The following CEP72 variants were observed in gnomAD, a reference collection of about 807,000 sequenced individuals.
CEP72 encodes the protein centrosomal protein of 72 kDa.
CEP72 carries 78 observed loss-of-function variants against 65.7 expected under a neutral mutation model. The observed-to-expected ratio is 1.19, with a 90% confidence interval of 0.99 to 1.43. The LOEUF (loss-of-function observed/expected upper bound fraction) is 1.43, where lower values mean the gene tolerates loss of function less well. CEP72 is among the 40% of genes most tolerant of loss of function. CEP72 has a pLI of 0.00. For missense variants in CEP72, 914 were observed against 832.9 expected (o/e 1.10, Z -1.20); for synonymous variants, 358 against 351.7 (o/e 1.02, Z -0.20).
At chr5:649,362 G>A (rs1455697799) in intron 11 of CEP72, among the ~76,000 whole-genome samples, 8 of 73,064 alleles carry the variant, frequency 1.1e-4, no homozygotes, top group African/African-American at 3.6e-4. Context: ...GGCGTGGACT[G>A]TGAGGTGTGA....
chr5:660,091 G>A (rs1430135090), downstream of CEP72: 1 of 152,260 alleles, frequency 6.6e-6, no homozygotes, highest in Admixed American at 6.5e-5. Flanking sequence ...GACATCAGCA[G>A]AAGTGGCTTT....
chr5:623,054 G>A lies in CEP72; in HGVS notation c.404-1417G>A, dbSNP rs1561030242. On this transcript the variant is annotated intron_variant, in intron 3 of 11. Coordinates refer to ENST00000264935, the MANE Select transcript of CEP72 (RefSeq NM_018140.4). The surrounding 1 kb of genome is among the most constrained non-coding windows in gnomAD (Gnocchi z 5.3). ...CTTAGTGTTTCTGTAGAGAAGGAGCGCGGCCGTCTCCCTCTTAGTGTTTCT... is the reference window on the plus strand; with the variant it reads ...CTTAGTGTTTCTGTAGAGAAGGAGCACGGCCGTCTCCCTCTTAGTGTTTCT... Among the ~76,000 whole-genome samples, 2 of 151,044 alleles carry A rather than the reference G, an allele frequency of 1.3e-5. No homozygotes were observed. Among genetic ancestry groups the A allele is most frequent in the East Asian group, 1.9e-4 (1 of 5,130 alleles).
rs1286586045 is a variant in CEP72, at chr5:624,478, C to A, written c.411C>A (p.Arg137=). The change falls in exon 4 of 12, where the codon CGC becomes CGA. Residue 137 remains arginine (R), a synonymous_variant. Coordinates refer to ENST00000264935, the MANE Select transcript of CEP72 (RefSeq NM_018140.4). The surrounding 1 kb of genome is among the most constrained non-coding windows in gnomAD (Gnocchi z 4.7). ...TGTGGCCTTTTCTTCTAGACGATCGCCCCGTGAGAGCAAGCGAGCGGAAGG... is the reference window on the plus strand; with the variant it reads ...TGTGGCCTTTTCTTCTAGACGATCGACCCGTGAGAGCAAGCGAGCGGAAGG... ...LLPKLQQLDD[R]PVRASERKAS... 1.9e-6 allele frequency: 3 copies of A among 1,613,686 alleles called. No homozygotes were observed. Among genetic ancestry groups the A allele is most frequent in the African/African-American group, 1.3e-5 (1 of 74,918 alleles).
intron 2 of CEP72, 59 bp from the exon 3 acceptor site, chr5:620,010 T>C: frequency 7.0e-7 from 1 of 1,438,478 alleles, no homozygotes; most frequent in Non-Finnish European, 9.7e-7. Context: ...TGCTGGCTTA[T>C]TTCACTGTGT....
chr5:647,778 G>GT (rs1330197518), intron 10 of CEP72, 27 bp from the exon 11 acceptor site: 1 of 1,474,632 alleles, frequency 6.8e-7, no homozygotes, highest in Non-Finnish European at 9.4e-7. Context: ...CTCATTAATG[G>GT]TACTTTTTTT....
At chr5:672,493 C>T in the CEP72 span, among the ~76,000 whole-genome samples, 2 of 152,264 alleles carry the variant, frequency 1.3e-5, no homozygotes, top group Admixed American at 1.3e-4. Context: ...GCCCAGCCCT[C>T]CTTCCTCTGC....
Position 623,287 on chromosome 5 carries a change from G to T in CEP72, c.404-1184G>T, listed in dbSNP as rs767031782. On this transcript the variant is annotated intron_variant, in intron 3 of 11. Coordinates refer to ENST00000264935, the MANE Select transcript of CEP72 (RefSeq NM_018140.4). The surrounding 1 kb of genome is among the most constrained non-coding windows in gnomAD (Gnocchi z 5.3). ...TGGCGCTGGCAGTCAGAGGCGCTGC[G>T]GGAACCACGGAGGTGCGGGGCCCCG... Among the ~76,000 whole-genome samples, 1 of 152,254 alleles carries T rather than the reference G, an allele frequency of 6.6e-6. No individual in the cohort carries two copies. The highest frequency in any genetic ancestry group is 1.9e-4 in the East Asian group (1 of 5,206).
At chr5:622,582 G>C (rs1318953575) in intron 3 of CEP72, among the ~76,000 whole-genome samples, 1 of 152,264 alleles carries the variant, frequency 6.6e-6, no homozygotes, top group Non-Finnish European at 1.5e-5. Flanking sequence ...CCCTGCGGCT[G>C]GGCTTCCAGA....
rs180798918 is a variant in CEP72, at chr5:624,251, G to A, written c.404-220G>A. On this transcript the variant is annotated intron_variant, in intron 3 of 11. Coordinates refer to ENST00000264935, the MANE Select transcript of CEP72 (RefSeq NM_018140.4). This position sits in a 1 kb window ranked among gnomAD's most constrained non-coding sequence, Gnocchi z 4.7. The stretch of plus-strand genomic sequence containing the variant: ...GCCTCATCTGTGTGCGGCTGCTCCC[G>A]TGCGCAGCAGTGAGCTCTGAGGGAC... 5.9e-5 allele frequency among the ~76,000 whole-genome samples: 9 copies of A among 152,300 alleles called. No individual in the cohort carries two copies. In the East Asian group the frequency reaches 1.4e-3, roughly 23 times the overall value.
At chr5:649,826 C>G (rs1328139895) in intron 11 of CEP72, among the ~76,000 whole-genome samples, 1 of 66,846 alleles carries the variant, frequency 1.5e-5, no homozygotes, top group African/African-American at 5.0e-5. Flanking sequence ...GAGGTGTGGA[C>G]TGTGAGGCGT....
exon 4 of CEP72, chr5:665,945 CG>C: frequency 6.6e-7 from 1 of 1,507,646 alleles, no homozygotes; most frequent in South Asian, 1.2e-5. Flanking sequence ...CTCCAGGCCC[CG>C]CCTTCCATCC....
chr5:643,696 G>A (rs1302800480), intron 9 of CEP72: 7 of 980,756 alleles, frequency 7.1e-6, no homozygotes, highest in Non-Finnish European at 8.5e-6. Flanking sequence ...GGGGACCCTG[G>A]CCGCAGGTGC....
chr5:655,942 C>G (rs1262612266), downstream of CEP72, among the ~76,000 whole-genome samples: 1 of 152,104 alleles, frequency 6.6e-6, no homozygotes, highest in Non-Finnish European at 1.5e-5. The surrounding 1 kb of genome is among the most constrained non-coding windows in gnomAD (Gnocchi z 5.0). Context: ...TCAATATTTT[C>G]TTTTATGATT....
chr5:636,601 A>G (rs190487003), intron 6 of CEP72, among the ~76,000 whole-genome samples: 1 of 152,174 alleles, frequency 6.6e-6, no homozygotes. Context: ...ATTTGAGGTC[A>G]GGAGTTTAAG....
chr5:617,901 C>T (rs764098236), intron 1 of CEP72, among the ~76,000 whole-genome samples: 11 of 152,212 alleles, frequency 7.2e-5, no homozygotes, highest in Non-Finnish European at 1.3e-4. Flanking sequence ...TATTCTAAAA[C>T]ATAAATGTTC....
chr5:654,474 C>T (rs76712651), downstream of CEP72, among the ~76,000 whole-genome samples: 3 of 137,584 alleles, frequency 2.2e-5, no homozygotes, highest in Admixed American at 2.2e-4. Flanking sequence ...TGTGTGTGTG[C>T]GTGTGGATTG....
At chr5:626,886 GT>G (rs1182632914) in intron 4 of CEP72, among the ~76,000 whole-genome samples, 1 of 152,182 alleles carries the variant, frequency 6.6e-6, no homozygotes, top group Non-Finnish European at 1.5e-5. Context: ...CCTGATTGTG[GT>G]ATGGAATTCT....
rs78856498 is a variant in CEP72, at chr5:624,666, C to T, written c.512+87C>T. The T allele has an allele frequency of 4.1e-3, 4,014 of 982,492 alleles. 20 individuals carry two copies. The highest frequency in any genetic ancestry group is 5.6e-3 in the Non-Finnish European group (3,481 of 617,856). 60.9% of individuals were successfully genotyped at this position (982,492 alleles called of 1,614,324 possible). On this transcript the variant is annotated intron_variant, in intron 4 of 11. Coordinates refer to ENST00000264935, the MANE Select transcript of CEP72 (RefSeq NM_018140.4). This position sits in a 1 kb window ranked among gnomAD's most constrained non-coding sequence, Gnocchi z 4.7. Reference sequence around the variant, plus strand: ...TAACCGAACGTCATTCACTGTGTGCCGGTCACTCTCCAGGGGCGGACACCA... The same window carrying T: ...TAACCGAACGTCATTCACTGTGTGCTGGTCACTCTCCAGGGGCGGACACCA...
intron 4 of CEP72, among the ~76,000 whole-genome samples, chr5:627,776 T>C (rs1367562726): frequency 1.3e-5 from 2 of 152,216 alleles, no homozygotes; most frequent in Non-Finnish European, 2.9e-5. Context: ...AAATGCTGTA[T>C]TCTAGTCAAA....
Sources: gnomAD v4.1 joint callset for allele counts (sites outside exome capture counted in the v4.1 genomes callset) on GRCh38, gnomAD v4.1.1 for gene constraint, Gnocchi (gnomAD v3.1) non-coding constraint, MANE v1.5 for transcripts, NCBI Gene and HGNC (gene_info 2026-07-23, HGNC 2026-07-21) for gene names.